GABRA4: variants seen among roughly 807,000 people sequenced by gnomAD.
GABRA4 encodes the protein gamma-aminobutyric acid type A receptor subunit alpha4.
A neutral mutation model predicts 49.7 loss-of-function variants in GABRA4; 12 were observed. That is an observed-to-expected ratio of 0.24 (90% CI 0.15 to 0.39). The LOEUF is 0.39. Ranked by LOEUF, GABRA4 falls within the 10% of genes least tolerant of loss-of-function variation. GABRA4 has a pLI of 1.00. For synonymous variants in GABRA4, 288 were observed against 240.2 expected (o/e 1.20, Z -1.84); for missense variants, 506 against 686.0 (o/e 0.74, Z 2.93).
chr4:46,967,048 A>T, intron 7 of GABRA4, among the ~76,000 whole-genome samples: 1 of 151,756 alleles, frequency 6.6e-6, no homozygotes, highest in East Asian at 1.9e-4. Flanking sequence ...ACAATAAAAT[A>T]ACTGAAAATT....
intron 6 of GABRA4, 103 bp downstream of exon 6, chr4:46,974,129 T>A: frequency 8.7e-7 from 1 of 1,151,172 alleles, no homozygotes; most frequent in Non-Finnish European, 1.2e-6. Context: ...GGAAAATGTT[T>A]GTTGTTCTCC....
intron 2 of GABRA4, 113 bp downstream of exon 2, chr4:46,992,715 G>A: frequency 1.3e-6 from 1 of 799,450 alleles, no homozygotes; most frequent in South Asian, 1.4e-5. Context: ...GAAAGAGAGA[G>A]AGATTTATTT....
At chr4:46,972,090 T>C (rs1194965496) in intron 6 of GABRA4, among the ~76,000 whole-genome samples, 1 of 151,622 alleles carries the variant, frequency 6.6e-6, no homozygotes, top group African/African-American at 2.4e-5. Flanking sequence ...TAAATCCCAT[T>C]TGCAGACTGG....
chr4:46,946,807 A>T (rs372015857), intron 8 of GABRA4, among the ~76,000 whole-genome samples: 44 of 152,204 alleles, frequency 2.9e-4, no homozygotes, highest in African/African-American at 1.0e-3. Flanking sequence ...GTTCCACACA[A>T]ATTTCTTAAG....
chr4:46,980,508 G>A (rs935781049), intron 2 of GABRA4, among the ~76,000 whole-genome samples: 4 of 151,970 alleles, frequency 2.6e-5, no homozygotes, highest in Admixed American at 2.0e-4. Flanking sequence ...AAGATAGCTC[G>A]AGGGAGAATG....
intron 8 of GABRA4, among the ~76,000 whole-genome samples, chr4:46,953,286 A>G (rs1560470075): frequency 6.6e-6 from 1 of 152,026 alleles, no homozygotes. Flanking sequence ...AAAGCTCAGC[A>G]TGCTTCTTTG....
intron 8 of GABRA4, among the ~76,000 whole-genome samples, chr4:46,953,482 T>C (rs945787425): frequency 1.3e-5 from 2 of 152,186 alleles, no homozygotes; most frequent in African/African-American, 4.8e-5. Context: ...GCACATAAAA[T>C]AGATTATTTC....
intron 8 of GABRA4, among the ~76,000 whole-genome samples, chr4:46,939,937 C>T (rs1217869054): frequency 6.6e-6 from 1 of 151,898 alleles, no homozygotes; most frequent in Non-Finnish European, 1.5e-5. Flanking sequence ...TCACAAATAT[C>T]CTCTACATTC....
In GABRA4 at chr4:46,947,419, G is replaced by T. The variant is rs79613054; in HGVS notation, c.1134+17551C>A. 5.3e-5 allele frequency among the ~76,000 whole-genome samples: 8 copies of T among 152,004 alleles called. No individual in the cohort carries two copies. The East Asian group carries it at 1.6e-3, about 30-fold the overall frequency. ...CTGTCTGCCTGCGTTCTAAGTAAAGGTCCAATTAAATCCACACCTGGCACT... is the reference window on the plus strand; with the variant it reads ...CTGTCTGCCTGCGTTCTAAGTAAAGTTCCAATTAAATCCACACCTGGCACT... On this transcript the variant is annotated intron_variant, in intron 8 of 8. Coordinates refer to ENST00000264318, the MANE Select transcript of GABRA4 (RefSeq NM_000809.4).
chr4:46,993,386 G>C lies in GABRA4; in HGVS notation c.39C>G (p.Ser13=). Residue 13 remains serine (S), a synonymous_variant, in exon 1 of 9, where the codon TCC becomes TCG. Coordinates refer to ENST00000264318, the MANE Select transcript of GABRA4 (RefSeq NM_000809.4). ...SAKKVPAIAL[S]AGVSFALLRF... ...GCAGGAGGGCGAAACTGACCCCGGC[G>C]GACAGAGCGATCGCGGGTACCTTCT... is the stretch of plus-strand genomic sequence containing the variant. 2 of 1,614,200 alleles carry C rather than the reference G, an allele frequency of 1.2e-6. No individual in the cohort carries two copies. The highest frequency in any genetic ancestry group is 1.7e-6 in the Non-Finnish European group (2 of 1,180,028).
intron 8 of GABRA4, among the ~76,000 whole-genome samples, chr4:46,947,619 A>G (rs1722026426): frequency 6.6e-6 from 1 of 151,934 alleles, no homozygotes; most frequent in Non-Finnish European, 1.5e-5. Flanking sequence ...GAAGAGAAAC[A>G]TATTTATTGA....
intron 8 of GABRA4, among the ~76,000 whole-genome samples, chr4:46,934,809 T>C (rs1218611947): frequency 3.3e-5 from 5 of 152,188 alleles, no homozygotes; most frequent in Non-Finnish European, 5.9e-5. Flanking sequence ...GGTAGACACA[T>C]GGCTCCAATG....
chr4:46,921,018 TA>T lies in GABRA4; in HGVS notation c.*7206del, dbSNP rs1411616198. On this transcript the variant is annotated 3_prime_UTR_variant, in exon 9 of 9. Coordinates refer to ENST00000264318, the MANE Select transcript of GABRA4 (RefSeq NM_000809.4). ...GATAATATCATACTCTTGAATATCG[TA>T]AATTTCCTTTGCATAGTTCCATTTT... 2 of 151,860 alleles carry T rather than the reference TA, an allele frequency of 1.3e-5. No individual in the cohort carries two copies. Among genetic ancestry groups the T allele is most frequent in the Admixed American group, 6.6e-5 (1 of 15,236 alleles). 9.4% of individuals were successfully genotyped at this position (151,860 alleles called of 1,614,324 possible).
At chr4:46,962,881 T>A (rs1722628020) in intron 8 of GABRA4, among the ~76,000 whole-genome samples, 2 of 151,730 alleles carry the variant, frequency 1.3e-5, no homozygotes, top group African/African-American at 4.8e-5. Context: ...CAATAAATGG[T>A]GCTGGGAAAA....
In GABRA4 at chr4:46,965,005, C is replaced by A; in HGVS notation, c.1099G>T (p.Val367Leu). 1.2e-6 allele frequency: 2 copies of A among 1,611,532 alleles called. No homozygotes were observed. Among genetic ancestry groups the A allele is most frequent in the Non-Finnish European group, 1.7e-6 (2 of 1,178,556 alleles). The part of the protein sequence containing the change: ...KPPQEVPAAP[V>L]QREKHPEAPL... Reference sequence around the variant, plus strand: ...GCTTCAGGATGCTTCTCTCTCTGCACTGGAGCAGCGGGAACTTCCTGAGGG... The same window carrying A: ...GCTTCAGGATGCTTCTCTCTCTGCAATGGAGCAGCGGGAACTTCCTGAGGG... Residue 367 changes from valine to leucine, a missense_variant, in exon 8 of 9, where the codon GTG becomes TTG. This residue lies in a region of GABRA4 where 243 missense variants were observed against 210.8 expected (regional missense o/e 1.15). Coordinates refer to ENST00000264318, the MANE Select transcript of GABRA4 (RefSeq NM_000809.4).
At chr4:46,975,414 A>G (rs1026817562) in intron 5 of GABRA4, among the ~76,000 whole-genome samples, 8 of 151,938 alleles carry the variant, frequency 5.3e-5, no homozygotes, top group Admixed American at 1.3e-4. Context: ...GTTCTTGTCT[A>G]TGATATTGCA....
chr4:46,948,647 C>T (rs1722062804), intron 8 of GABRA4, among the ~76,000 whole-genome samples: 1 of 152,110 alleles, frequency 6.6e-6, no homozygotes, highest in African/African-American at 2.4e-5. Flanking sequence ...CCTCAAACAA[C>T]AGCAGGGTTC....
At chr4:46,947,448 A>C (rs957303003) in intron 8 of GABRA4, among the ~76,000 whole-genome samples, 9 of 152,038 alleles carry the variant, frequency 5.9e-5, no homozygotes, top group Admixed American at 5.3e-4. Flanking sequence ...TGGCACTAAC[A>C]TATTCCAGTT....
chr4:46,986,247 G>A (rs1723531840), intron 2 of GABRA4, among the ~76,000 whole-genome samples: 1 of 151,668 alleles, frequency 6.6e-6, no homozygotes, highest in South Asian at 2.1e-4. Flanking sequence ...ATGTACAAAT[G>A]CCCAGAAAAA....
Sources: gnomAD v4.1 joint callset for allele counts (sites outside exome capture counted in the v4.1 genomes callset) on GRCh38, gnomAD v4.1.1 for gene constraint, gnomAD v4.1.1 regional missense constraint, MANE v1.5 for transcripts, NCBI Gene and HGNC (gene_info 2026-07-23, HGNC 2026-07-21) for gene names.